The following CCPG1 variants were observed in gnomAD, a reference collection of about 807,000 sequenced individuals.
CCPG1 encodes the protein cell cycle progression 1.
In CCPG1, 46 loss-of-function variants were observed where a neutral mutation model predicts 81.3. The observed-to-expected ratio is 0.57, with a 90% CI of 0.45 to 0.72. The LOEUF (loss-of-function observed/expected upper bound fraction) is 0.72, where lower values mean the gene tolerates loss of function less well. Among genes scored for constraint, CCPG1 ranks in the 30% least tolerant of loss-of-function variants. The pLI is 0.00. For missense variants in CCPG1, 902 were observed against 937.6 expected, an observed-to-expected ratio of 0.96 and a Z score of 0.50; for synonymous variants, 330 against 305.2, an observed-to-expected ratio of 1.08 and a Z score of -0.85.
intron 1 of CCPG1, among the ~76,000 whole-genome samples, chr15:55,399,209 G>A (rs1220781054): frequency 6.6e-6 from 1 of 152,108 alleles, no homozygotes; most frequent in Non-Finnish European, 1.5e-5. Context: ...GGTTAGGGAA[G>A]GCCTCCTTGA....
chr15:55,399,955 CGT>C (rs1005564288), intron 1 of CCPG1: 1 of 151,534 alleles, frequency 6.6e-6, no homozygotes, highest in African/African-American at 2.4e-5. Flanking sequence ...ATTAGTAGGG[CGT>C]GGTGGCTCAC....
intron 6 of CCPG1, among the ~76,000 whole-genome samples, chr15:55,369,147 A>G (rs932118299): frequency 6.6e-6 from 1 of 150,848 alleles, no homozygotes; most frequent in Non-Finnish European, 1.5e-5. Flanking sequence ...ATGAATGACT[A>G]TGGGATGCAA....
At position 55,378,291 on chromosome 15, in the gene CCPG1, C is replaced by CA. The variant is rs1566974122; in HGVS notation, c.252+8dup. 7 of 1,560,260 alleles carry CA rather than the reference C, an allele frequency of 4.5e-6. No individual in the cohort carries two copies. Among genetic ancestry groups the CA allele is most frequent in the Non-Finnish European group, 6.2e-6 (7 of 1,133,108 alleles). ...TAACATATATCCACAGTGTAAAATA[C>CA]AAGTTTACCTCAATTGTTGAGCTGG... On this transcript the variant is annotated intron_variant, in intron 4 of 8. Coordinates refer to ENST00000442196, the MANE Select transcript of CCPG1 (RefSeq NM_001204450.2).
chr15:55,357,114 T>C (rs1217739970), intron 8 of CCPG1: 1 of 984,834 alleles, frequency 1.0e-6, no homozygotes, highest in Non-Finnish European at 1.2e-6. Flanking sequence ...GAGATGACCA[T>C]AGAACTAACT....
chr15:55,366,872 G>A (rs990426749), intron 6 of CCPG1, among the ~76,000 whole-genome samples: 6 of 152,026 alleles, frequency 3.9e-5, no homozygotes, highest in African/African-American at 1.2e-4. Flanking sequence ...GTCATGTATG[G>A]GGGGAAAAAA....
At chr15:55,407,464 T>C (rs2057258557) in intron 1 of CCPG1, among the ~76,000 whole-genome samples, 1 of 152,306 alleles carries the variant, frequency 6.6e-6, no homozygotes, top group East Asian at 1.9e-4. Flanking sequence ...CATAGTACTA[T>C]ATAGTTAGCT....
chr15:55,377,044 T>C lies in CCPG1; in HGVS notation c.359A>G (p.Gln120Arg). ...TGCTTCTTCAACAATGACAACTTCTTGATTTCCAATTTCTTCTAACTTAGG... is the reference window on the plus strand; with the variant it reads ...TGCTTCTTCAACAATGACAACTTCTCGATTTCCAATTTCTTCTAACTTAGG... ...EPPKLEEIGN[Q>R]EVVIVEEAQS... The change falls in exon 5 of 9, where the codon CAA becomes CGA. Residue 120 changes from glutamine to arginine, a missense_variant. Physicochemically the swap from Gln to Arg is conservative, Grantham distance 43. Around this residue, in one of 3 missense-constraint regions of CCPG1, gnomAD observed 746 missense variants for 728.6 expected, o/e 1.02. Transcript: ENST00000442196. The C allele has an allele frequency of 6.2e-7, 1 of 1,613,938 alleles. No individual in the cohort carries two copies. Among genetic ancestry groups the C allele is most frequent in the Non-Finnish European group, 8.5e-7 (1 of 1,179,902 alleles).
rs915916706 is a variant in CCPG1, at chr15:55,360,497, T to C, written c.1276A>G (p.Ile426Val). The stretch of plus-strand genomic sequence containing the variant: ...AGCTCAGTGAGTCTTTCCCGTAAGA[T>C]TGCTATTTCCTTTTTTTCAGTATAT... ...NVYTEKKEIA[I>V]LRERLTELER... Residue 426 changes from isoleucine (I) to valine (V), a missense_variant, in exon 8 of 9, where the codon ATC becomes GTC. Ile to Val is a conservative substitution (Grantham distance 29). Coordinates refer to ENST00000442196, the MANE Select transcript of CCPG1 (RefSeq NM_001204450.2). 12 of 1,614,046 alleles carry C rather than the reference T, an allele frequency of 7.4e-6. No individual in the cohort carries two copies. The highest frequency in any genetic ancestry group is 1.1e-5 in the South Asian group (1 of 91,088).
At chr15:55,357,309 G>A in intron 8 of CCPG1, 2 of 984,262 alleles carry the variant, frequency 2.0e-6, no homozygotes, top group Non-Finnish European at 2.4e-6. Flanking sequence ...AAATATCAAT[G>A]TTACTATTTT....
chr15:55,361,859 T>A (rs1250994472), intron 7 of CCPG1, among the ~76,000 whole-genome samples: 1 of 152,184 alleles, frequency 6.6e-6, no homozygotes, highest in African/African-American at 2.4e-5. Context: ...TTAACATTTC[T>A]AAGTAAGTAC....
intron 7 of CCPG1, among the ~76,000 whole-genome samples, chr15:55,361,321 C>T (rs2056190408): frequency 6.6e-6 from 1 of 151,868 alleles, no homozygotes; most frequent in African/African-American, 2.4e-5. Context: ...ACCACCGCGC[C>T]TGGCTGGAAG....
intron 7 of CCPG1, among the ~76,000 whole-genome samples, chr15:55,362,384 A>C (rs531881544): frequency 6.6e-6 from 1 of 152,126 alleles, no homozygotes; most frequent in Non-Finnish European, 1.5e-5. Flanking sequence ...ACTAATATAC[A>C]CTTGAAAAAT....
chr15:55,393,607 G>A lies in CCPG1; in HGVS notation c.-9-4174C>T, dbSNP rs540333765. ...CGGGAAGGGTTTTGAAGAGATCTGAGAAGACATGAAAGGTTATTTTATTAT... is the reference window on the plus strand; with the variant it reads ...CGGGAAGGGTTTTGAAGAGATCTGAAAAGACATGAAAGGTTATTTTATTAT... On this transcript the variant is annotated intron_variant, in intron 1 of 8. Transcript: ENST00000442196. 1.5e-4 allele frequency among the ~76,000 whole-genome samples: 23 copies of A among 152,228 alleles called. No homozygotes were observed. In the South Asian group the frequency reaches 1.7e-3, roughly 11 times the overall value.
chr15:55,391,153 C>T (rs28636929), intron 1 of CCPG1, among the ~76,000 whole-genome samples: 27,030 of 152,160 alleles, frequency 0.18, 4,147 homozygotes, highest in African/African-American at 0.42. Context: ...GACAGGGTCC[C>T]GTTCTGTCAT....
chr15:55,360,236 GCTTAATTTTCTCTTTA>G lies in CCPG1; in HGVS notation c.1521_1536del (p.Lys508ArgfsTer6). ...TTTTCCTTCACAGCTTCTTTAGCCT[GCTTAATTTTCTCTTTA>G]TGATGCCTTACAAACTCCTTGGTAG... On this transcript the variant is annotated frameshift_variant, in exon 8 of 9. Transcript: ENST00000442196. LOFTEE classifies it high-confidence loss of function. The G allele has an allele frequency of 6.2e-7, 1 of 1,613,738 alleles. No homozygotes were observed. Among genetic ancestry groups the G allele is most frequent in the Non-Finnish European group, 8.5e-7 (1 of 1,179,950 alleles).
At chr15:55,406,243 G>T (rs1225304228) in intron 1 of CCPG1, among the ~76,000 whole-genome samples, 1 of 150,602 alleles carries the variant, frequency 6.6e-6, no homozygotes, top group Non-Finnish European at 1.5e-5. Flanking sequence ...CATAAGGGTG[G>T]GGCTTTCCAC....
Position 55,356,230 on chromosome 15 carries a change from G to A in CCPG1, c.2414C>T (p.Pro805Leu), listed in dbSNP as rs1171337728. Reference protein sequence around the residue: ...EIELGQLPFDPQY With the variant: ...EIELGQLPFDLQY ...TAACTCAATTGTGAATCAGTATTGA[G>A]GATCAAAAGGTAATTGCCCCAATTC... is the stretch of plus-strand genomic sequence containing the variant. Residue 805 changes from proline (P) to leucine (L), a missense_variant, in exon 9 of 9, where the codon CCT becomes CTT. Physicochemically the swap from Pro to Leu is moderately conservative, Grantham distance 98. Transcript: ENST00000442196. 3.3e-6 allele frequency: 5 copies of A among 1,533,472 alleles called. No individual in the cohort carries two copies. The highest frequency in any genetic ancestry group is 2.6e-6 in the Non-Finnish European group (3 of 1,145,974). 95.0% of individuals were successfully genotyped at this position (1,533,472 alleles called of 1,614,324 possible). A position where few individuals can be genotyped will look rare whatever the true frequency, so the allele number is the denominator to read the frequency against.
chr15:55,397,219 A>C (rs34400786), intron 1 of CCPG1, among the ~76,000 whole-genome samples: 49,002 of 150,940 alleles, frequency 0.32, 9,143 homozygotes, highest in Non-Finnish European at 0.43. Flanking sequence ...GTCTCAAAAA[A>C]AAACAAACAA....
In CCPG1 at chr15:55,365,265, GTA is replaced by G; in HGVS notation, c.749_750del (p.Ile250ThrfsTer2). ...TTCATATCATTCAATTCATCTTCAT[GTA>G]TCTTTCTGACTAACTGTTGACGCTT... Reference protein sequence around the residue: ...IQKRQQLVRKIHEDELNDMKD... With the variant: ...IQKRQQLVRKXHEDELNDMKD... On this transcript the variant is annotated frameshift_variant, in exon 7 of 9. Coordinates refer to ENST00000442196, the MANE Select transcript of CCPG1 (RefSeq NM_001204450.2). LOFTEE classifies it high-confidence loss of function. 1 of 1,543,728 alleles carries G rather than the reference GTA, an allele frequency of 6.5e-7. No individual in the cohort carries two copies. The highest frequency in any genetic ancestry group is 8.9e-7 in the Non-Finnish European group (1 of 1,124,012).
Sources: allele counts gnomAD v4.1 joint callset (sites outside exome capture counted in the v4.1 genomes callset), GRCh38; gene constraint gnomAD v4.1.1; regional missense constraint gnomAD v4.1.1; transcripts MANE v1.5; gene names NCBI Gene and HGNC (gene_info 2026-07-23, HGNC 2026-07-21).